The following ADGRL2 variants were observed in gnomAD, a reference collection of about 807,000 sequenced individuals.
The protein encoded by ADGRL2 is adhesion G protein-coupled receptor L2, also known as calcium-independent alpha-latrotoxin receptor 2.
ADGRL2 carries 44 observed loss-of-function variants against 157.4 expected under a neutral mutation model. That is an observed-to-expected ratio of 0.28 (90% CI 0.22 to 0.36). The LOEUF is 0.36. Ranked by LOEUF, ADGRL2 falls within the 10% of genes least tolerant of loss-of-function variation. The pLI is 1.00. For synonymous variants in ADGRL2, 585 were observed against 624.7 expected (o/e 0.94, Z 0.95); for missense variants, 1,510 against 1,768.9 (o/e 0.85, Z 2.63).
chr1:81,463,974 C>CT (rs528077255), intron 2 of ADGRL2, among the ~76,000 whole-genome samples: 15 of 148,472 alleles, frequency 1.0e-4, no homozygotes, highest in South Asian at 6.4e-4. Flanking sequence ...TCCTCTCTTC[C>CT]TTTTTTTTTT....
intron 1 of ADGRL2, among the ~76,000 whole-genome samples, chr1:81,708,048 T>C (rs2083797699): frequency 1.3e-5 from 2 of 152,210 alleles, no homozygotes; most frequent in South Asian, 4.1e-4. Context: ...TCTTTCTTTT[T>C]AGTTGTAAGA....
chr1:81,963,575 T>G (rs12759788), intron 11 of ADGRL2, among the ~76,000 whole-genome samples: 56,446 of 151,668 alleles, frequency 0.37, 11,147 homozygotes, highest in Middle Eastern at 0.45. Flanking sequence ...AATTTTTCTT[T>G]AATTCACATT....
chr1:81,837,233 G>A (rs2092328549), intron 2 of ADGRL2, among the ~76,000 whole-genome samples, 176 bp downstream of exon 2: 1 of 151,952 alleles, frequency 6.6e-6, no homozygotes, highest in Admixed American at 6.6e-5. Context: ...ACACAGATAT[G>A]ATATAGAAAG....
intron 1 of ADGRL2, among the ~76,000 whole-genome samples, chr1:81,441,710 T>G (rs2077510401): frequency 6.6e-6 from 1 of 152,092 alleles, no homozygotes; most frequent in Admixed American, 6.5e-5. Context: ...GCTAATTTTC[T>G]TGTATTTTTA....
intron 3 of ADGRL2, among the ~76,000 whole-genome samples, chr1:81,692,545 C>T (rs1440851149): frequency 6.6e-6 from 1 of 152,024 alleles, no homozygotes; most frequent in Non-Finnish European, 1.5e-5. Context: ...GAAGAGCAAG[C>T]AAGACACAAG....
intron 1 of ADGRL2, among the ~76,000 whole-genome samples, chr1:81,372,103 C>T (rs1198358582): frequency 6.6e-6 from 1 of 152,086 alleles, no homozygotes; most frequent in Non-Finnish European, 1.5e-5. Context: ...AACAACCTAT[C>T]CATTGTTCAT....
intron 2 of ADGRL2, among the ~76,000 whole-genome samples, chr1:81,559,753 T>C (rs1307309101): frequency 6.6e-6 from 1 of 152,206 alleles, no homozygotes; most frequent in Admixed American, 6.5e-5. Context: ...GAGTAATGTT[T>C]GATTATATTT....
chr1:81,475,925 G>C (rs564850858), intron 2 of ADGRL2, among the ~76,000 whole-genome samples: 1 of 152,174 alleles, frequency 6.6e-6, no homozygotes, highest in Non-Finnish European at 1.5e-5. Flanking sequence ...AGCAGGAATA[G>C]GGCATAAGTG....
chr1:81,533,747 G>A (rs759333053), intron 2 of ADGRL2, among the ~76,000 whole-genome samples: 2 of 152,134 alleles, frequency 1.3e-5, no homozygotes, highest in African/African-American at 2.4e-5. Context: ...ACAGAGCTTA[G>A]TGTTCATTAT....
intron 2 of ADGRL2, chr1:81,557,539 A>G (rs1035914948): frequency 6.6e-6 from 1 of 151,432 alleles, no homozygotes; most frequent in Admixed American, 6.6e-5. Context: ...AGAAAGAAAG[A>G]AAGCAAGAAA....
intron 2 of ADGRL2, among the ~76,000 whole-genome samples, chr1:81,875,240 G>C (rs2093807891): frequency 6.6e-6 from 1 of 152,132 alleles, no homozygotes; most frequent in South Asian, 2.1e-4. Flanking sequence ...TTGCATTAAA[G>C]GGATATGACA....
intron 2 of ADGRL2, among the ~76,000 whole-genome samples, chr1:81,497,288 C>T (rs529844407): frequency 1.3e-5 from 2 of 152,090 alleles, no homozygotes; most frequent in Admixed American, 6.5e-5. Flanking sequence ...CAGGCGCTAG[C>T]GTATTGAAAT....
chr1:81,725,585 T>C (rs541254258), intron 1 of ADGRL2, among the ~76,000 whole-genome samples: 1 of 152,148 alleles, frequency 6.6e-6, no homozygotes, highest in African/African-American at 2.4e-5. Context: ...CATTTGAGCT[T>C]GTGTGTTATG....
At chr1:81,619,886 G>A (rs2081752129) in intron 3 of ADGRL2, among the ~76,000 whole-genome samples, 1 of 151,930 alleles carries the variant, frequency 6.6e-6, no homozygotes, top group African/African-American at 2.4e-5. Flanking sequence ...TTGTTTACCA[G>A]GTGTGTGACC....
chr1:81,377,765 A>G (rs74095609), intron 1 of ADGRL2, among the ~76,000 whole-genome samples: 208 of 147,898 alleles, frequency 1.4e-3, no homozygotes, highest in African/African-American at 4.8e-3. Context: ...CCTTTTAAAA[A>G]CTTCAAAAAA....
At chr1:81,825,398 G>C (rs2091379664) in intron 1 of ADGRL2, among the ~76,000 whole-genome samples, 1 of 151,918 alleles carries the variant, frequency 6.6e-6, no homozygotes, top group South Asian at 2.1e-4. Flanking sequence ...TGCCAGGCTG[G>C]AGTGCAGTGG....
chr1:81,713,315 C>T (rs2084000266), intron 1 of ADGRL2, among the ~76,000 whole-genome samples: 1 of 152,124 alleles, frequency 6.6e-6, no homozygotes, highest in Non-Finnish European at 1.5e-5. Flanking sequence ...AAATGCTGTT[C>T]AGTTAGTATG....
intron 2 of ADGRL2, among the ~76,000 whole-genome samples, chr1:81,481,099 GT>G (rs1393423995): frequency 2.0e-5 from 3 of 152,134 alleles, no homozygotes; most frequent in Non-Finnish European, 2.9e-5. Context: ...GTTGTTCAGT[GT>G]TTTTCCATGA....
intron 1 of ADGRL2, among the ~76,000 whole-genome samples, chr1:81,716,750 A>G (rs1387221383): frequency 1.3e-5 from 2 of 152,184 alleles, no homozygotes; most frequent in African/African-American, 2.4e-5. Flanking sequence ...AAAAATCAAT[A>G]TATATTCTGA....
Sources: gnomAD v4.1 joint callset for allele counts (sites outside exome capture counted in the v4.1 genomes callset) on GRCh38, gnomAD v4.1.1 for gene constraint, MANE v1.5 for transcripts, NCBI Gene and HGNC (gene_info 2026-07-23, HGNC 2026-07-21) for gene names.